KLF8: variants seen among roughly 807,000 people sequenced by gnomAD.
KLF8 encodes the protein Krueppel-like factor 8.
Under a neutral mutation model 18.2 loss-of-function variants are expected in KLF8, and 10 were observed. The observed-to-expected ratio is 0.55, with a 90% CI of 0.34 to 0.93. KLF8 has a LOEUF of 0.93. Ranked by LOEUF, KLF8 falls within the 40% of genes least tolerant of loss-of-function variation. The pLI is 0.02. For missense variants in KLF8, 264 were observed against 277.9 expected (o/e 0.95, Z 0.36); for synonymous variants, 109 against 97.3 (o/e 1.12, Z -0.71).
chrX:56,076,643 C>T, the KLF8 span, among the ~76,000 whole-genome samples: 9 of 111,278 alleles, frequency 8.1e-5, no homozygotes, highest in South Asian at 7.6e-4. Flanking sequence ...TATAGTCCTT[C>T]GGGTATATAC....
chrX:56,175,568 A>G, the KLF8 span, among the ~76,000 whole-genome samples: 2 of 111,740 alleles, frequency 1.8e-5, no homozygotes, highest in African/African-American at 6.5e-5. Flanking sequence ...AAGAATATAT[A>G]TTCTGTTGAT....
the KLF8 span, among the ~76,000 whole-genome samples, chrX:56,202,440 ACT>A: frequency 1.8e-5 from 2 of 109,925 alleles, no homozygotes; most frequent in African/African-American, 6.6e-5. Flanking sequence ...ATCCAATTAC[ACT>A]CTTTTAGTTA....
chrX:56,206,384 T>C, the KLF8 span, among the ~76,000 whole-genome samples: 11 of 112,054 alleles, frequency 9.8e-5, no homozygotes, highest in East Asian at 2.8e-3. Flanking sequence ...TATGAGCCTG[T>C]AAAATCAAAA....
the KLF8 span, among the ~76,000 whole-genome samples, chrX:56,115,120 A>T: frequency 5.4e-5 from 6 of 110,703 alleles, no homozygotes; most frequent in South Asian, 3.7e-4. Flanking sequence ...TTATTTATTT[A>T]TTTATTTTTT....
At chrX:56,219,147 A>C in the KLF8 span, among the ~76,000 whole-genome samples, 2 of 112,070 alleles carry the variant, frequency 1.8e-5, no homozygotes, top group African/African-American at 3.2e-5. Flanking sequence ...CCACGTTTGA[A>C]TTTGTATGAT....
At chrX:56,043,984 T>C in the KLF8 span, among the ~76,000 whole-genome samples, 4 of 111,877 alleles carry the variant, frequency 3.6e-5, no homozygotes, top group African/African-American at 1.3e-4. Context: ...ATGAGGTTTT[T>C]GTGGGTTCTT....
the KLF8 span, among the ~76,000 whole-genome samples, chrX:56,098,843 C>T: frequency 1.8e-5 from 2 of 111,668 alleles, no homozygotes; most frequent in Admixed American, 9.5e-5. Context: ...ACCAAGACTC[C>T]ACCAAAAAAC....
chrX:56,210,372 G>C, the KLF8 span, among the ~76,000 whole-genome samples: 1 of 111,539 alleles, frequency 9.0e-6, no homozygotes, highest in Non-Finnish European at 1.9e-5. Context: ...CTCTCTCCTG[G>C]CCTTTAAGGT....
intron 1 of KLF8, among the ~76,000 whole-genome samples, chrX:56,235,891 T>A (rs761057141): frequency 8.9e-6 from 1 of 112,509 alleles, no homozygotes; most frequent in South Asian, 3.7e-4. Context: ...ATCATTTTTG[T>A]TATTTAAAAA....
the KLF8 span, among the ~76,000 whole-genome samples, chrX:56,113,358 T>TA: frequency 3.6e-5 from 4 of 110,104 alleles, no homozygotes; most frequent in Middle Eastern, 0.019. Flanking sequence ...TTTTAAATGT[T>TA]ATGTGGTAAC....
the KLF8 span, among the ~76,000 whole-genome samples, chrX:56,212,513 C>T: frequency 8.9e-6 from 1 of 111,992 alleles, no homozygotes; most frequent in South Asian, 3.7e-4. Flanking sequence ...ATTCGCAATT[C>T]TCTGGCTAGG....
chrX:56,031,687 C>T, the KLF8 span, among the ~76,000 whole-genome samples: 1 of 111,728 alleles, frequency 9.0e-6, no homozygotes, highest in African/African-American at 3.3e-5. Flanking sequence ...GTCCATCAGT[C>T]ACCTCGTTTC....
the KLF8 span, among the ~76,000 whole-genome samples, chrX:55,932,552 A>T: frequency 9.0e-6 from 1 of 111,405 alleles, no homozygotes; most frequent in Admixed American, 9.6e-5. Flanking sequence ...AGCTCTTGTA[A>T]TGCAGGCCTG....
the KLF8 span, among the ~76,000 whole-genome samples, chrX:56,176,951 C>T: frequency 8.9e-6 from 1 of 111,893 alleles, no homozygotes; most frequent in Admixed American, 9.5e-5. Flanking sequence ...TTTTCAGCTC[C>T]ATCAGGTCCT....
chrX:55,995,774 A>G, the KLF8 span, among the ~76,000 whole-genome samples: 1 of 111,412 alleles, frequency 9.0e-6, no homozygotes. Context: ...TTCCCTGTGA[A>G]GGTGACTTCT....
At chrX:56,014,526 G>T in the KLF8 span, among the ~76,000 whole-genome samples, 50 of 112,464 alleles carry the variant, frequency 4.4e-4, no homozygotes, top group South Asian at 0.018. Flanking sequence ...TACACTGTTG[G>T]TGGGAATGTA....
At chrX:56,164,680 G>A in the KLF8 span, among the ~76,000 whole-genome samples, 2 of 85,981 alleles carry the variant, frequency 2.3e-5, no homozygotes, top group African/African-American at 8.6e-5. Context: ...TATGCCCACT[G>A]TTCTGTCTGC....
At chrX:56,048,748 C>T in the KLF8 span, among the ~76,000 whole-genome samples, 1 of 111,675 alleles carries the variant, frequency 9.0e-6, no homozygotes, top group Admixed American at 9.5e-5. Flanking sequence ...CGTGGCAATG[C>T]AGGCTCTTTT....
chrX:56,049,791 T>C, the KLF8 span, among the ~76,000 whole-genome samples: 1 of 110,554 alleles, frequency 9.0e-6, no homozygotes, highest in East Asian at 2.8e-4. Context: ...TAAAATGAGT[T>C]AGGGAGGATT....
Sources: allele counts gnomAD v4.1 joint callset (sites outside exome capture counted in the v4.1 genomes callset), GRCh38; gene constraint gnomAD v4.1.1; transcripts MANE v1.5; gene names NCBI Gene and HGNC (gene_info 2026-07-23, HGNC 2026-07-21).